The following RNF130 variants were observed in gnomAD, a reference collection of about 807,000 sequenced individuals.
RNF130 encodes the protein ring finger protein 130, also known as E3 ubiquitin-protein ligase RNF130.
Under a neutral mutation model 44.6 loss-of-function variants are expected in RNF130, and 21 were observed. The observed-to-expected ratio is 0.47, with a 90% CI of 0.33 to 0.68. RNF130 has a LOEUF of 0.68. RNF130 is among the 30% of genes least tolerant of loss of function. The pLI, the probability that RNF130 is intolerant of heterozygous loss-of-function variation, is 0.02. For synonymous variants in RNF130, 214 were observed against 210.4 expected (o/e 1.02, Z -0.15); for missense variants, 479 against 560.6 (o/e 0.85, Z 1.47).
chr5:179,948,166 A>C (rs1414524793), intron 7 of RNF130, among the ~76,000 whole-genome samples: 1 of 152,232 alleles, frequency 6.6e-6, no homozygotes, highest in East Asian at 1.9e-4. Flanking sequence ...AGTTTTCTTC[A>C]CTTGTAAAAC....
intron 7 of RNF130, among the ~76,000 whole-genome samples, chr5:179,944,756 C>CA (rs111393394): frequency 8.0e-4 from 112 of 140,518 alleles, no homozygotes; most frequent in East Asian, 2.1e-3. Flanking sequence ...GACCCTGTCT[C>CA]AAAAAAAAAA....
At chr5:179,927,784 C>T (rs1308731212) in intron 7 of RNF130, among the ~76,000 whole-genome samples, 1 of 151,788 alleles carries the variant, frequency 6.6e-6, no homozygotes, top group South Asian at 2.1e-4. Context: ...TAGAGATAGG[C>T]TTTCACCATG....
chr5:180,041,897 T>C (rs553184034), intron 1 of RNF130, among the ~76,000 whole-genome samples: 33 of 151,914 alleles, frequency 2.2e-4, no homozygotes, highest in African/African-American at 7.5e-4. Flanking sequence ...GGCGACAAAG[T>C]GAAACAAAAA....
intron 3 of RNF130, among the ~76,000 whole-genome samples, chr5:180,012,177 T>C (rs1371012216): frequency 6.6e-6 from 1 of 152,182 alleles, no homozygotes; most frequent in Admixed American, 6.5e-5. Flanking sequence ...AGCTGAGACC[T>C]GTTCCATGCC....
At chr5:180,033,173 G>C (rs548674289) in intron 2 of RNF130, among the ~76,000 whole-genome samples, 17 of 151,874 alleles carry the variant, frequency 1.1e-4, no homozygotes, top group African/African-American at 3.4e-4. Flanking sequence ...GTAGAGACAG[G>C]GTCCCCCTAT....
intron 1 of RNF130, among the ~76,000 whole-genome samples, chr5:180,068,114 A>G (rs569783095): frequency 6.6e-6 from 1 of 152,326 alleles, no homozygotes; most frequent in East Asian, 1.9e-4. Flanking sequence ...ACTCTTCCCC[A>G]CCAGCACATC....
chr5:180,064,413 C>G (rs1390516497), intron 1 of RNF130, among the ~76,000 whole-genome samples: 1 of 152,128 alleles, frequency 6.6e-6, no homozygotes. Context: ...CCCAGTCACC[C>G]TACCTGCCCA....
intron 2 of RNF130, among the ~76,000 whole-genome samples, chr5:180,040,034 T>C (rs961970370): frequency 6.6e-6 from 1 of 152,218 alleles, no homozygotes; most frequent in Non-Finnish European, 1.5e-5. Flanking sequence ...TAAAGAAGCA[T>C]TGTTACTACT....
chr5:180,017,782 C>T (rs976379499), intron 2 of RNF130, among the ~76,000 whole-genome samples: 4 of 152,120 alleles, frequency 2.6e-5, no homozygotes, highest in Non-Finnish European at 4.4e-5. Flanking sequence ...ACAGAAGGAA[C>T]CTCAGAATTA....
intron 3 of RNF130, among the ~76,000 whole-genome samples, chr5:180,004,741 G>A (rs1451210469): frequency 1.3e-5 from 2 of 152,230 alleles, no homozygotes; most frequent in African/African-American, 4.8e-5. Flanking sequence ...AGGTCACTTT[G>A]ATGAAATTCA....
intron 3 of RNF130, among the ~76,000 whole-genome samples, chr5:179,986,642 T>C (rs140107867): frequency 1.6e-3 from 242 of 152,340 alleles, no homozygotes; most frequent in African/African-American, 5.7e-3. Context: ...TACGTACTAC[T>C]GTTAATTTTA....
intron 1 of RNF130, among the ~76,000 whole-genome samples, chr5:180,062,254 G>A: frequency 6.6e-6 from 1 of 151,890 alleles, no homozygotes; most frequent in East Asian, 1.9e-4. Context: ...TAGAGATGGG[G>A]TTTCACCATG....
chr5:180,028,752 A>C (rs543880474), intron 2 of RNF130, among the ~76,000 whole-genome samples: 1 of 152,234 alleles, frequency 6.6e-6, no homozygotes, highest in Non-Finnish European at 1.5e-5. Flanking sequence ...GGCATATAGC[A>C]GGTATAAATC....
chr5:179,971,407 T>A (rs1762583500), intron 5 of RNF130, among the ~76,000 whole-genome samples: 1 of 152,218 alleles, frequency 6.6e-6, no homozygotes, highest in Non-Finnish European at 1.5e-5. Context: ...TCTTGCTCTG[T>A]CGCCCAGGCT....
exon 8 of RNF130, chr5:179,919,435 GA>G (rs1191022792): frequency 1.3e-5 from 2 of 152,414 alleles, no homozygotes; most frequent in Non-Finnish European, 2.9e-5. Context: ...TCTTCCCAAT[GA>G]GACATTCCAG....
At chr5:179,991,382 G>A (rs977178409) in intron 3 of RNF130, among the ~76,000 whole-genome samples, 2 of 152,204 alleles carry the variant, frequency 1.3e-5, no homozygotes, top group Admixed American at 1.3e-4. Context: ...TGAATGACTA[G>A]ATGTCTTGCT....
chr5:180,041,278 C>T (rs1764412934), intron 1 of RNF130, among the ~76,000 whole-genome samples: 1 of 152,104 alleles, frequency 6.6e-6, no homozygotes, highest in Non-Finnish European at 1.5e-5. Flanking sequence ...ATGTATTATT[C>T]CTCTAATTTA....
At chr5:180,011,055 T>C (rs1763584354) in intron 3 of RNF130, among the ~76,000 whole-genome samples, 1 of 152,210 alleles carries the variant, frequency 6.6e-6, no homozygotes, top group East Asian at 1.9e-4. Flanking sequence ...TGTATTTGTA[T>C]TATCTCTTAC....
exon 8 of RNF130, chr5:179,916,595 C>G (rs1431924242): frequency 6.6e-6 from 1 of 152,196 alleles, no homozygotes; most frequent in Non-Finnish European, 1.5e-5. Flanking sequence ...GGTGCCAGAC[C>G]TCAGTGCTCA....
Sources: gnomAD v4.1 joint callset for allele counts (sites outside exome capture counted in the v4.1 genomes callset) on GRCh38, gnomAD v4.1.1 for gene constraint, MANE v1.5 for transcripts, NCBI Gene and HGNC (gene_info 2026-07-23, HGNC 2026-07-21) for gene names.